BMP7: variants seen among roughly 807,000 people sequenced by gnomAD.
BMP7 encodes the protein osteogenic protein 1.
A neutral mutation model predicts 41.2 loss-of-function variants in BMP7; 12 were observed. That is an observed-to-expected ratio of 0.29 (90% CI 0.19 to 0.47). The LOEUF is 0.47. Ranked by LOEUF, BMP7 falls within the 20% of genes least tolerant of loss-of-function variation. The probability of loss-of-function intolerance (pLI) is 0.99; values close to 1 mark genes in which losing one functional copy is unlikely to be tolerated. For missense variants in BMP7, 467 were observed against 606.0 expected, an observed-to-expected ratio of 0.77 and a Z score of 2.41; for synonymous variants, 248 against 250.0, an observed-to-expected ratio of 0.99 and a Z score of 0.07.
At chr20:57,233,345 A>G (rs897599361) in intron 1 of BMP7, among the ~76,000 whole-genome samples, 1 of 152,236 alleles carries the variant, frequency 6.6e-6, no homozygotes, top group Non-Finnish European at 1.5e-5. Context: ...AGACCAAAAG[A>G]TAAGTCCAAA....
At position 57,228,499 on chromosome 20, in the gene BMP7, G is replaced by A; in HGVS notation, c.419-78C>T. ...TTTCACTCTCTGGCTCTGAGTCCAA[G>A]CATCTTGCCTAAGCTAGATGGAGGC... On this transcript the variant is annotated intron_variant, in intron 1 of 6. Transcript: ENST00000395863. The surrounding 1 kb of genome is among the most constrained non-coding windows in gnomAD (Gnocchi z 4.5). 1.3e-6 allele frequency: 2 copies of A among 1,544,764 alleles called. No homozygotes were observed.
intron 1 of BMP7, among the ~76,000 whole-genome samples, chr20:57,252,730 C>T (rs949617933): frequency 6.6e-6 from 1 of 152,134 alleles, no homozygotes; most frequent in Non-Finnish European, 1.5e-5. Context: ...AGAAAATAAC[C>T]CGTCCATCTA....
At chr20:57,242,459 AC>A (rs1421598334) in intron 1 of BMP7, among the ~76,000 whole-genome samples, 1 of 152,110 alleles carries the variant, frequency 6.6e-6, no homozygotes, top group African/African-American at 2.4e-5. Flanking sequence ...TCCTCCCATA[AC>A]AAAGGAAAGG....
chr20:57,262,263 A>C (rs951027091), intron 1 of BMP7, among the ~76,000 whole-genome samples: 2 of 152,194 alleles, frequency 1.3e-5, no homozygotes, highest in Non-Finnish European at 2.9e-5. Flanking sequence ...TGAATTCCAA[A>C]ATTAAGTCTA....
At position 57,175,000 on chromosome 20, in the gene BMP7, G is replaced by A. The variant is rs1368969798; in HGVS notation, c.966C>T (p.Ser322=). ...ALRMANVAEN[S]SSDQRQACKK... ...TACAGGCCTGCCTCTGGTCGCTGCTGCTGTTCTCTGCATTGACAAGGAAGT... is the reference window on the plus strand; with the variant it reads ...TACAGGCCTGCCTCTGGTCGCTGCTACTGTTCTCTGCATTGACAAGGAAGT... Residue 322 remains serine (S), a synonymous_variant, in exon 5 of 7, where the codon AGC becomes AGT. Transcript: ENST00000395863. The surrounding 1 kb of genome is among the most constrained non-coding windows in gnomAD (Gnocchi z 4.3). The A allele has an allele frequency of 1.2e-6, 2 of 1,611,102 alleles. No individual in the cohort carries two copies. Among genetic ancestry groups the A allele is most frequent in the Non-Finnish European group, 1.7e-6 (2 of 1,179,808 alleles).
At chr20:57,200,772 G>T (rs527406948) in intron 3 of BMP7, among the ~76,000 whole-genome samples, 1 of 152,248 alleles carries the variant, frequency 6.6e-6, no homozygotes, top group East Asian at 1.9e-4. Context: ...TCCAGCCTGG[G>T]TGACAGAGAC....
chr20:57,192,621 G>A (rs1984397270), intron 3 of BMP7, among the ~76,000 whole-genome samples: 1 of 151,800 alleles, frequency 6.6e-6, no homozygotes, highest in South Asian at 2.1e-4. Flanking sequence ...AATTGATGTA[G>A]GCAGGAAGGC....
chr20:57,223,470 C>G (rs769106379), intron 2 of BMP7, among the ~76,000 whole-genome samples: 1 of 152,176 alleles, frequency 6.6e-6, no homozygotes, highest in East Asian at 1.9e-4. Context: ...ATGGACCCAT[C>G]TGAGCCCCAG....
chr20:57,228,395 G>A lies in BMP7; in HGVS notation c.445C>T (p.Pro149Ser). 1 of 1,614,146 alleles carries A rather than the reference G, an allele frequency of 6.2e-7. No homozygotes were observed. Among genetic ancestry groups the A allele is most frequent in the Non-Finnish European group, 8.5e-7 (1 of 1,180,016 alleles). ...LVEHDKEFFH[P>S]RYHHREFRFD... is the part of the protein sequence containing the mutation. ...CGGAACTCTCGATGGTGGTAGCGTG[G>A]GTGGAAGAATTCCTTGTCATGTTCC... The change falls in exon 2 of 7, where the codon CCA becomes TCA. Residue 149 changes from proline (P) to serine (S), a missense_variant. Physicochemically the swap from Pro to Ser is moderately conservative, Grantham distance 74. This residue lies in a region of BMP7 where 407 missense variants were observed against 485.9 expected (regional missense o/e 0.84). Coordinates refer to ENST00000395863, the MANE Select transcript of BMP7 (RefSeq NM_001719.3). This position sits in a 1 kb window ranked among gnomAD's most constrained non-coding sequence, Gnocchi z 4.5.
Position 57,265,798 on chromosome 20 carries a change from C to T in BMP7, c.325G>A (p.Ala109Thr), listed in dbSNP as rs770763971. ...GGGGGGCCCTGGGTACTGAAGACGGCCTTGTAGGGGTAGGAGAAGCCCTGG... is the reference window on the plus strand; with the variant it reads ...GGGGGGCCCTGGGTACTGAAGACGGTCTTGTAGGGGTAGGAGAAGCCCTGG... ...GGQGFSYPYK[A>T]VFSTQGPPLA... Residue 109 changes from alanine to threonine, a missense_variant, in exon 1 of 7, where the codon GCC (alanine) becomes ACC (threonine). Ala to Thr is a moderately conservative substitution (Grantham distance 58). This residue lies in a region of BMP7 where 407 missense variants were observed against 485.9 expected (regional missense o/e 0.84). Transcript: ENST00000395863. The T allele has an allele frequency of 7.5e-6, 12 of 1,609,256 alleles. No individual in the cohort carries two copies. The African/African-American group carries it at 1.5e-4, about 20-fold the overall frequency.
At chr20:57,197,429 G>A (rs1984518384) in intron 3 of BMP7, among the ~76,000 whole-genome samples, 1 of 152,144 alleles carries the variant, frequency 6.6e-6, no homozygotes, top group Non-Finnish European at 1.5e-5. Flanking sequence ...CCCTGCAGGG[G>A]CTCATCTGCC....
chr20:57,173,630 C>A lies in BMP7; in HGVS notation c.1036-320G>T, dbSNP rs1983859452. The A allele has an allele frequency of 6.7e-6, 3 of 449,576 alleles. No individual in the cohort carries two copies. The South Asian group carries it at 7.8e-5, about 12-fold the overall frequency. The allele number at this position is 449,576 out of a possible 1,614,324, so 27.8% of individuals were successfully genotyped here. On this transcript the variant is annotated intron_variant, in intron 5 of 6. Coordinates refer to ENST00000395863, the MANE Select transcript of BMP7 (RefSeq NM_001719.3). Reference sequence around the variant, plus strand: ...CCCAGCCTGGGTGACAGAGCAAGACCCCATTTCTAAAAAAACATAAAATAA... The same window carrying A: ...CCCAGCCTGGGTGACAGAGCAAGACACCATTTCTAAAAAAACATAAAATAA...
intron 1 of BMP7, among the ~76,000 whole-genome samples, chr20:57,249,316 C>T (rs552211292): frequency 7.2e-5 from 11 of 152,040 alleles, no homozygotes; most frequent in Non-Finnish European, 1.5e-4. Flanking sequence ...TGGTATGATA[C>T]AGGTCCTACA....
At chr20:57,263,158 G>T (rs886617549) in intron 1 of BMP7, among the ~76,000 whole-genome samples, 4 of 152,172 alleles carry the variant, frequency 2.6e-5, no homozygotes, top group African/African-American at 9.7e-5. Context: ...AAGAAAACAA[G>T]GTCAGTGCGC....
chr20:57,189,334 T>A (rs1260925538), intron 3 of BMP7, among the ~76,000 whole-genome samples: 1 of 152,124 alleles, frequency 6.6e-6, no homozygotes, highest in African/African-American at 2.4e-5. Context: ...CGACCTCCCA[T>A]CCATCCCCAG....
At chr20:57,197,297 A>C (rs1415786686) in intron 3 of BMP7, among the ~76,000 whole-genome samples, 1 of 151,794 alleles carries the variant, frequency 6.6e-6, no homozygotes, top group African/African-American at 2.4e-5. Context: ...TGAGTCCTGC[A>C]AGAAGCCTAC....
rs62205668 is a variant in BMP7 at position 57,215,288 on chromosome 20, C to T, written c.612-12665G>A. Reference sequence around the variant, plus strand: ...GGCTGCATGGGCTTCCGGTTGAGTGCCCCCATTTACTGTCCCCATCACCTC... The same window carrying T: ...GGCTGCATGGGCTTCCGGTTGAGTGTCCCCATTTACTGTCCCCATCACCTC... On this transcript the variant is annotated intron_variant, in intron 2 of 6. Transcript: ENST00000395863. The surrounding 1 kb of genome is among the most constrained non-coding windows in gnomAD (Gnocchi z 4.2). Among the ~76,000 whole-genome samples, 2,141 of 152,306 alleles carry T rather than the reference C, an allele frequency of 0.014. 22 individuals carry two copies. Among genetic ancestry groups the T allele is most frequent in the Non-Finnish European group, 0.017 (1,178 of 68,012 alleles).
intron 2 of BMP7, among the ~76,000 whole-genome samples, chr20:57,219,586 C>G (rs1245669836): frequency 1.3e-5 from 2 of 152,150 alleles, no homozygotes; most frequent in Non-Finnish European, 2.9e-5. Context: ...GCCCTTAACC[C>G]CAGAGAATGA....
chr20:57,245,635 A>AT (rs565788005), intron 1 of BMP7, among the ~76,000 whole-genome samples: 10,294 of 118,630 alleles, frequency 0.087, 1,473 homozygotes, highest in African/African-American at 0.29. Flanking sequence ...GTGATTAGTG[A>AT]TTTTTTTTTT....
Sources: gnomAD v4.1 joint callset for allele counts (sites outside exome capture counted in the v4.1 genomes callset) on GRCh38, gnomAD v4.1.1 for gene constraint, gnomAD v4.1.1 regional missense constraint, Gnocchi (gnomAD v3.1) non-coding constraint, MANE v1.5 for transcripts, NCBI Gene and HGNC (gene_info 2026-07-23, HGNC 2026-07-21) for gene names.